MYO18A: variants seen among roughly 807,000 people sequenced by gnomAD.
The protein encoded by MYO18A is myosin XVIIIA.
MYO18A carries 78 observed loss-of-function variants against 235.8 expected under a neutral mutation model. That is an observed-to-expected ratio of 0.33 (90% CI 0.28 to 0.40). The LOEUF is 0.40. Among genes scored for constraint, MYO18A ranks in the 10% least tolerant of loss-of-function variants. The pLI is 1.00. For synonymous variants in MYO18A, 977 were observed against 1,077.8 expected (o/e 0.91, Z 1.83); for missense variants, 2,215 against 2,699.3 (o/e 0.82, Z 3.98).
At chr17:29,135,999 G>A (rs1421888266) in intron 2 of MYO18A, among the ~76,000 whole-genome samples, 1 of 152,134 alleles carries the variant, frequency 6.6e-6, no homozygotes, top group Non-Finnish European at 1.5e-5. Context: ...AGGCTGAGGT[G>A]GGTGGATTAC....
chr17:29,135,188 C>T (rs2067567874), intron 2 of MYO18A, among the ~76,000 whole-genome samples: 1 of 152,016 alleles, frequency 6.6e-6, no homozygotes, highest in South Asian at 2.1e-4. Flanking sequence ...GCAACCTCCG[C>T]CTCCCGGGTT....
At position 29,109,789 on chromosome 17, in the gene MYO18A, G is replaced by A; in HGVS notation, c.3331+69C>T. ...CCACTGCAGCCCACGGGTCGCAGGT[G>A]GGAGGTGGGGCCGGGCAGGGCCAGC... On this transcript the variant is annotated intron_variant, in intron 19 of 41. Transcript: ENST00000527372. The surrounding 1 kb of genome is among the most constrained non-coding windows in gnomAD (Gnocchi z 4.1). 1 of 1,523,294 alleles carries A rather than the reference G, an allele frequency of 6.6e-7. No homozygotes were observed. Among genetic ancestry groups the A allele is most frequent in the Non-Finnish European group, 8.9e-7 (1 of 1,128,672 alleles). The allele number at this position is 1,523,294 out of a possible 1,614,324, so 94.4% of individuals were successfully genotyped here.
In MYO18A at chr17:29,111,236, C is replaced by T. The variant is rs890461440; in HGVS notation, c.2900+188G>A. Among the ~76,000 whole-genome samples, 2 of 152,164 alleles carry T rather than the reference C, an allele frequency of 1.3e-5. No individual in the cohort carries two copies. Among genetic ancestry groups the T allele is most frequent in the Non-Finnish European group, 2.9e-5 (2 of 68,034 alleles). On this transcript the variant is annotated intron_variant, in intron 17 of 41. Coordinates refer to ENST00000527372, the MANE Select transcript of MYO18A (RefSeq NM_078471.4). The surrounding 1 kb of genome is among the most constrained non-coding windows in gnomAD (Gnocchi z 5.1). ...CCATAGGCTCTCCCACCATGTCTGC[C>T]TCCCACCTCTACTTCAAGAGGCCCC...
In MYO18A at chr17:29,165,976, C is replaced by G. The variant is rs750215984; in HGVS notation, c.965G>C (p.Arg322Pro). ...CTCCCTGCGAGGTCCCTCGCCGCTC[C>G]GCAGCCAGCTCCTGCTGAGCTCGCT... ...ELSELSRSWL[R>P]SGEGPRREPS... The change falls in exon 2 of 42, where the codon CGG becomes CCG. Residue 322 changes from arginine (R) to proline (P), a missense_variant. By Grantham distance (103) the Arg-to-Pro change is moderately radical. Coordinates refer to ENST00000527372, the MANE Select transcript of MYO18A (RefSeq NM_078471.4). The G allele has an allele frequency of 6.0e-5, 97 of 1,613,314 alleles. No individual in the cohort carries two copies. Among genetic ancestry groups the G allele is most frequent in the East Asian group, 6.7e-5 (3 of 44,886 alleles).
chr17:29,112,843 A>T (rs2066965415), intron 15 of MYO18A, among the ~76,000 whole-genome samples: 1 of 152,248 alleles, frequency 6.6e-6, no homozygotes, highest in South Asian at 2.1e-4. Context: ...GATTACCAGA[A>T]GGAAGCAGAA....
rs1020052914 is a variant in MYO18A, at chr17:29,140,888, C to A, written c.1000-18635G>T. Among the ~76,000 whole-genome samples the A allele has an allele frequency of 2.0e-5, 3 of 152,204 alleles. No homozygotes were observed. The highest frequency in any genetic ancestry group is 1.3e-4 in the Admixed American group (2 of 15,276). ...CACCCAAATCATAGGCCTACCCTAG[C>A]CATCTAATTACTGCGGCAGAGGCCA... On this transcript the variant is annotated intron_variant, in intron 2 of 41. Transcript: ENST00000527372. This position sits in a 1 kb window ranked among gnomAD's most constrained non-coding sequence, Gnocchi z 4.2.
chr17:29,176,881 C>T (rs1026327433), intron 1 of MYO18A: 1 of 152,132 alleles, frequency 6.6e-6, no homozygotes, highest in African/African-American at 2.4e-5. Flanking sequence ...TTCCCCGCGG[C>T]TGGGCCGGCG....
Position 29,106,320 on chromosome 17 carries a change from C to G in MYO18A, c.3441+760G>C, listed in dbSNP as rs190477188. On this transcript the variant is annotated intron_variant, in intron 20 of 41. Coordinates refer to ENST00000527372, the MANE Select transcript of MYO18A (RefSeq NM_078471.4). The surrounding 1 kb of genome is among the most constrained non-coding windows in gnomAD (Gnocchi z 4.6). ...GCCAAAGGATGGAGGGAAGTTCTTC[C>G]GAGCCCCCTCCATGAATTCAGGTCT... Among the ~76,000 whole-genome samples the G allele has an allele frequency of 1.2e-4, 18 of 152,228 alleles. No homozygotes were observed. The highest frequency in any genetic ancestry group is 4.3e-4 in the African/African-American group (18 of 41,530).
chr17:29,077,807 T>G (rs551812675), intron 41 of MYO18A: 5 of 152,290 alleles, frequency 3.3e-5, no homozygotes, highest in Non-Finnish European at 7.3e-5. Context: ...GGGTCTGAAA[T>G]CTGCCAGTTG....
chr17:29,121,461 C>T lies in MYO18A; in HGVS notation c.1371+86G>A. On this transcript the variant is annotated intron_variant, in intron 5 of 41. Transcript: ENST00000527372. The surrounding 1 kb of genome is among the most constrained non-coding windows in gnomAD (Gnocchi z 4.2). ...GTCAACTGTGAGAGTGGACAGGAGC[C>T]CAGTGGGGTGCCACAGGGGAAGGGC... is the stretch of plus-strand genomic sequence containing the variant. The T allele has an allele frequency of 7.2e-7, 1 of 1,387,932 alleles. No individual in the cohort carries two copies. The highest frequency in any genetic ancestry group is 9.7e-7 in the Non-Finnish European group (1 of 1,030,278). 86.0% of individuals were successfully genotyped at this position (1,387,932 alleles called of 1,614,324 possible).
At position 29,082,410 on chromosome 17, in the gene MYO18A, G is replaced by C. The variant is rs768932169; in HGVS notation, c.5926C>G (p.Leu1976Val). 1.2e-6 allele frequency: 2 copies of C among 1,613,668 alleles called. No individual in the cohort carries two copies. Among genetic ancestry groups the C allele is most frequent in the Non-Finnish European group, 1.7e-6 (2 of 1,179,864 alleles). ...LEGDSDVDSE[L>V]EDRVDGVKSW... ...TTGACCCCGTCAACACGGTCCTCCA[G>C]CTCCGAGTCCACATCAGAGTCTCCC... Residue 1976 changes from leucine (L) to valine (V), a missense_variant, in exon 41 of 42, where the codon CTG becomes GTG. Transcript: ENST00000527372.
At chr17:29,114,356 C>T (rs778704556) in intron 14 of MYO18A, 3 of 439,642 alleles carry the variant, frequency 6.8e-6, no homozygotes, top group African/African-American at 2.0e-5. Flanking sequence ...TTAGGCAACA[C>T]AGAACAAGCC....
At chr17:29,104,828 A>C (rs1363545267) in intron 20 of MYO18A, among the ~76,000 whole-genome samples, 1 of 152,046 alleles carries the variant, frequency 6.6e-6, no homozygotes, top group Non-Finnish European at 1.5e-5. Flanking sequence ...CCAGGAGAGA[A>C]TGTCCCAGAA....
chr17:29,150,889 T>C (rs2067951891), intron 2 of MYO18A, among the ~76,000 whole-genome samples: 1 of 152,178 alleles, frequency 6.6e-6, no homozygotes. Context: ...CAGATGCTTG[T>C]CAAACATGAA....
intron 21 of MYO18A, among the ~76,000 whole-genome samples, chr17:29,102,721 G>A (rs1050294442): frequency 1.3e-5 from 2 of 152,228 alleles, no homozygotes; most frequent in Admixed American, 6.5e-5. Context: ...TGACAGAGAC[G>A]AAGGGCAGGA....
Position 29,120,592 on chromosome 17 carries a change from C to G in MYO18A, c.1728+24G>C. The G allele has an allele frequency of 6.2e-7, 1 of 1,607,842 alleles. No homozygotes were observed. The highest frequency in any genetic ancestry group is 8.5e-7 in the Non-Finnish European group (1 of 1,176,760). Reference sequence around the variant, plus strand: ...ATCATGTGGCCTGTGTCCTACTACCCCGAGTCCTGGGCAGCACTCTCACCT... The same window carrying G: ...ATCATGTGGCCTGTGTCCTACTACCGCGAGTCCTGGGCAGCACTCTCACCT... On this transcript the variant is annotated intron_variant, in intron 7 of 41. Transcript: ENST00000527372. This position sits in a 1 kb window ranked among gnomAD's most constrained non-coding sequence, Gnocchi z 4.2.
chr17:29,178,028 C>T (rs2068571037), intron 1 of MYO18A, among the ~76,000 whole-genome samples: 1 of 152,196 alleles, frequency 6.6e-6, no homozygotes, highest in Non-Finnish European at 1.5e-5. Flanking sequence ...TTCTGCCCCA[C>T]CCAGTCCACC....
intron 2 of MYO18A, 41 bp from the exon 3 acceptor site, chr17:29,122,294 A>G: frequency 6.4e-7 from 1 of 1,564,372 alleles, no homozygotes; most frequent in Admixed American, 1.8e-5. Context: ...CTGCTATGGA[A>G]GACAGGGACA....
chr17:29,101,067 C>T (rs887647054), intron 21 of MYO18A, among the ~76,000 whole-genome samples: 9 of 150,102 alleles, frequency 6.0e-5, no homozygotes, highest in African/African-American at 1.2e-4. Flanking sequence ...GTGTGATCAT[C>T]GATCACTGCA....
Sources: allele counts gnomAD v4.1 joint callset (sites outside exome capture counted in the v4.1 genomes callset), GRCh38; gene constraint gnomAD v4.1.1; non-coding constraint Gnocchi (gnomAD v3.1); transcripts MANE v1.5; gene names NCBI Gene and HGNC (gene_info 2026-07-23, HGNC 2026-07-21).